CELSR1: variants seen among roughly 807,000 people sequenced by gnomAD.
CELSR1 encodes the protein adhesion G protein-coupled receptor C1.
In CELSR1, 110 loss-of-function variants were observed where a neutral mutation model predicts 249.1. The ratio of observed to expected loss-of-function variants is 0.44; its 90% CI spans 0.38 to 0.52. CELSR1 has a LOEUF of 0.52. CELSR1 is among the 20% of genes least tolerant of loss of function. The probability of loss-of-function intolerance (pLI) is 0.00; values close to 1 mark genes in which losing one functional copy is unlikely to be tolerated. For synonymous variants in CELSR1, 2,113 were observed against 1,900.0 expected (o/e 1.11, Z -2.92); for missense variants, 4,109 against 4,296.4 (o/e 0.96, Z 1.22).
chr22:46,536,072 C>T lies in CELSR1; in HGVS notation c.1099G>A (p.Glu367Lys), dbSNP rs1304855558. The change falls in exon 1 of 35, where the codon GAG becomes AAG. Residue 367 changes from glutamate to lysine, a missense_variant. Glu to Lys is a moderately conservative substitution (Grantham distance 56). Transcript: ENST00000674500. ...ATGGTCAGCACCTCGTAGCCCACCT[C>T]CAGGTTCTCCCGCACGCGCTCGCGG... ...EYRERVRENL[E>K]VGYEVLTIRA... is the part of the protein sequence containing the mutation. 1 of 1,611,488 alleles carries T rather than the reference C, an allele frequency of 6.2e-7. No individual in the cohort carries two copies. Among genetic ancestry groups the T allele is most frequent in the South Asian group, 1.1e-5 (1 of 91,076 alleles).
intron 1 of CELSR1, among the ~76,000 whole-genome samples, chr22:46,524,422 T>G (rs1455556135): frequency 6.6e-6 from 1 of 152,148 alleles, no homozygotes; most frequent in Non-Finnish European, 1.5e-5. Flanking sequence ...GGACACATCC[T>G]GTCCCCTGCA....
At chr22:46,455,349 T>C (rs13054402) in intron 2 of CELSR1, among the ~76,000 whole-genome samples, 32,970 of 152,082 alleles carry the variant, frequency 0.22, 4,121 homozygotes, top group Non-Finnish European at 0.27. Context: ...CCTGCCTCAG[T>C]CTCCCAAGTA....
At position 46,362,815 on chromosome 22, in the gene CELSR1, C is replaced by T. The variant is rs1003429388; in HGVS notation, c.*408G>A. 5 of 289,154 alleles carry T rather than the reference C, an allele frequency of 1.7e-5. No individual in the cohort carries two copies. Among genetic ancestry groups the T allele is most frequent in the Non-Finnish European group, 3.2e-5 (5 of 153,958 alleles). The allele number at this position is 289,154 out of a possible 1,614,324, so 17.9% of individuals were successfully genotyped here. On this transcript the variant is annotated 3_prime_UTR_variant, in exon 35 of 35. Coordinates refer to ENST00000674500, the MANE Select transcript of CELSR1 (RefSeq NM_001378328.1). Reference sequence around the variant, plus strand: ...CGGGTCCGCACTGCCATGAGATGCCCGCCTGGGCGGGGCTGGACCGCGGTC... The same window carrying T: ...CGGGTCCGCACTGCCATGAGATGCCTGCCTGGGCGGGGCTGGACCGCGGTC...
At position 46,380,914 on chromosome 22, in the gene CELSR1, G is replaced by T. The variant is rs755503725; in HGVS notation, c.7130C>A (p.Thr2377Lys). 1.2e-6 allele frequency: 2 copies of T among 1,613,714 alleles called. No individual in the cohort carries two copies. Among genetic ancestry groups the T allele is most frequent in the African/African-American group, 1.3e-5 (1 of 75,046 alleles). Reference sequence around the variant, plus strand: ...CGGAGCCCCCTCGCTGTACACCAGCGTGCTCACCATCGGGGTATTAATGAT... The same window carrying T: ...CGGAGCCCCCTCGCTGTACACCAGCTTGCTCACCATCGGGGTATTAATGAT... ...RPIINTPMVSTLVYSEGAPLP... is the reference protein window; with the variant it reads ...RPIINTPMVSKLVYSEGAPLP... Residue 2377 changes from threonine to lysine, a missense_variant, in exon 22 of 35, where the codon ACG becomes AAG. Around this residue, in one of 7 missense-constraint regions of CELSR1, gnomAD observed 1,805 missense variants for 1,831.6 expected, o/e 0.99. Transcript: ENST00000674500. This position sits in a 1 kb window ranked among gnomAD's most constrained non-coding sequence, Gnocchi z 5.1.
Position 46,520,245 on chromosome 22 carries a change from C to T in CELSR1, c.3544+13382G>A, listed in dbSNP as rs563175000. ...AAAGGCACAGAAGGAAGAAGAGCCCCGAGCTCAGAAGGAGGCCCTGGATGG... is the reference window on the plus strand; with the variant it reads ...AAAGGCACAGAAGGAAGAAGAGCCCTGAGCTCAGAAGGAGGCCCTGGATGG... On this transcript the variant is annotated intron_variant, in intron 1 of 34. Coordinates refer to ENST00000674500, the MANE Select transcript of CELSR1 (RefSeq NM_001378328.1). Among the ~76,000 whole-genome samples the T allele has an allele frequency of 6.2e-4, 95 of 152,174 alleles. 1 individual carries two copies. The highest frequency in any genetic ancestry group is 2.0e-3 in the African/African-American group (82 of 41,508).
At position 46,423,378 on chromosome 22, in the gene CELSR1, G is replaced by C. The variant is rs1411086424; in HGVS notation, c.4611+10015C>G. Reference sequence around the variant, plus strand: ...AATCCCAGCACTTTGGGAGGCCGAGGGGGGCAGATCACCTGAGGTCAGGAG... The same window carrying C: ...AATCCCAGCACTTTGGGAGGCCGAGCGGGGCAGATCACCTGAGGTCAGGAG... On this transcript the variant is annotated intron_variant, in intron 5 of 34. Coordinates refer to ENST00000674500, the MANE Select transcript of CELSR1 (RefSeq NM_001378328.1). This position sits in a 1 kb window ranked among gnomAD's most constrained non-coding sequence, Gnocchi z 5.6. 2.0e-5 allele frequency among the ~76,000 whole-genome samples: 3 copies of C among 151,538 alleles called. No homozygotes were observed. Among genetic ancestry groups the C allele is most frequent in the Admixed American group, 1.3e-4 (2 of 15,202 alleles).
intron 1 of CELSR1, among the ~76,000 whole-genome samples, chr22:46,501,711 C>CA (rs2080468240): frequency 6.6e-6 from 1 of 152,142 alleles, no homozygotes; most frequent in Non-Finnish European, 1.5e-5. Flanking sequence ...TTTTAAATGC[C>CA]AAACATCACT....
chr22:46,534,001 C>G lies in CELSR1; in HGVS notation c.3170G>C (p.Arg1057Pro). ...CTCAAAGTCCAGCTCCACCATGGCA[C>G]GCAGGTCCCCGTTGAGCAGGTCCAG... The part of the protein sequence containing the change: ...FQLDLLNGDL[R>P]AMVELDFEVR... The change falls in exon 1 of 35, where the codon CGT becomes CCT. Residue 1057 changes from arginine (R) to proline (P), a missense_variant. Arg to Pro is a moderately radical substitution (Grantham distance 103, BLOSUM62 -2). This residue lies in a region of CELSR1 where 886 missense variants were observed against 896.5 expected (regional missense o/e 0.99). Transcript: ENST00000674500. The surrounding 1 kb of genome is among the most constrained non-coding windows in gnomAD (Gnocchi z 9.7). 1 of 1,613,642 alleles carries G rather than the reference C, an allele frequency of 6.2e-7. No individual in the cohort carries two copies. The highest frequency in any genetic ancestry group is 8.5e-7 in the Non-Finnish European group (1 of 1,180,014).
Position 46,536,908 on chromosome 22 carries a change from A to G in CELSR1, c.263T>C (p.Leu88Pro), listed in dbSNP as rs1276336325. Residue 88 changes from leucine to proline, a missense_variant, in exon 1 of 35, where the codon CTG (leucine) becomes CCG (proline). Coordinates refer to ENST00000674500, the MANE Select transcript of CELSR1 (RefSeq NM_001378328.1). ...RVSGAGRPLP[L>P]QVRLVARSAP... ...ACTGCGGGCCACCAAGCGGACTTGC[A>G]GCGGCAGCGGGCGCCCCGCGCCCGA... 8.4e-7 allele frequency: 1 copy of G among 1,193,598 alleles called. No homozygotes were observed. The highest frequency in any genetic ancestry group is 1.0e-6 in the Non-Finnish European group (1 of 962,110). The allele number at this position is 1,193,598 out of a possible 1,614,324, so 73.9% of individuals were successfully genotyped here.
Position 46,394,131 on chromosome 22 carries a change from C to T in CELSR1, c.5964+11G>A, listed in dbSNP as rs773129328. The T allele has an allele frequency of 3.0e-5, 48 of 1,611,904 alleles. No homozygotes were observed. The highest frequency in any genetic ancestry group is 1.6e-4 in the Middle Eastern group (1 of 6,062). Reference sequence around the variant, plus strand: ...ACACAGCATGCAGGGATCATGGGGGCGGGGCCTCACCTTGCATTGGCACTG... The same window carrying T: ...ACACAGCATGCAGGGATCATGGGGGTGGGGCCTCACCTTGCATTGGCACTG... On this transcript the variant is annotated intron_variant, in intron 14 of 34. Coordinates refer to ENST00000674500, the MANE Select transcript of CELSR1 (RefSeq NM_001378328.1).
intron 2 of CELSR1, among the ~76,000 whole-genome samples, chr22:46,439,750 T>C (rs2079719920): frequency 1.3e-5 from 2 of 152,060 alleles, no homozygotes; most frequent in South Asian, 2.1e-4. Flanking sequence ...CAGGCTGAGC[T>C]GGACTCTTCT....
rs769084474 is a variant in CELSR1, at chr22:46,409,918, G to A, written c.4934-38C>T. The A allele has an allele frequency of 3.7e-6, 6 of 1,605,072 alleles. No individual in the cohort carries two copies. Among genetic ancestry groups the A allele is most frequent in the Non-Finnish European group, 4.2e-6 (5 of 1,178,736 alleles). ...AGCGTGCGGCAGAGCCTGACTCGGA[G>A]GAACCGCCCGGGGTCCCCGGCGCCA... On this transcript the variant is annotated intron_variant, in intron 7 of 34. Transcript: ENST00000674500. This position sits in a 1 kb window ranked among gnomAD's most constrained non-coding sequence, Gnocchi z 9.8.
In CELSR1 at chr22:46,434,061, G is replaced by A. The variant is rs909052812; in HGVS notation, c.4523-580C>T. ...TACCAGCAGCAGTCACACCTACACC[G>A]CACCAGAGGTCGAACCCTTTTTCCT... On this transcript the variant is annotated intron_variant, in intron 4 of 34. Coordinates refer to ENST00000674500, the MANE Select transcript of CELSR1 (RefSeq NM_001378328.1). The surrounding 1 kb of genome is among the most constrained non-coding windows in gnomAD (Gnocchi z 4.9). Among the ~76,000 whole-genome samples the A allele has an allele frequency of 2.0e-5, 3 of 152,208 alleles. No individual in the cohort carries two copies. The highest frequency in any genetic ancestry group is 4.4e-5 in the Non-Finnish European group (3 of 68,032).
At chr22:46,460,099 C>T (rs145168163) in intron 2 of CELSR1, among the ~76,000 whole-genome samples, 1,567 of 151,932 alleles carry the variant, frequency 0.01, 23 homozygotes, top group African/African-American at 0.036. Flanking sequence ...TCCCAGCTAC[C>T]CAGGAGGCAG....
intron 9 of CELSR1, among the ~76,000 whole-genome samples, chr22:46,403,145 T>C (rs187117205): frequency 4.5e-4 from 69 of 152,228 alleles, no homozygotes; most frequent in African/African-American, 1.6e-3. Flanking sequence ...TCAAAATCTA[T>C]ATAGCAAAAA....
At chr22:46,431,693 G>A (rs550879770) in intron 5 of CELSR1, among the ~76,000 whole-genome samples, 19 of 152,340 alleles carry the variant, frequency 1.2e-4, no homozygotes, top group African/African-American at 4.1e-4. Flanking sequence ...GGCCACCCGT[G>A]CAGCTCACCC....
chr22:46,494,986 A>G (rs1433275709), intron 1 of CELSR1, among the ~76,000 whole-genome samples: 1 of 152,242 alleles, frequency 6.6e-6, no homozygotes, highest in Non-Finnish European at 1.5e-5. Context: ...ACTGGGGAAA[A>G]CATTCTGAGA....
At chr22:46,377,401 G>A in intron 23 of CELSR1, 140 bp from the exon 24 acceptor site, 2 of 921,052 alleles carry the variant, frequency 2.2e-6, no homozygotes, top group East Asian at 2.6e-5. Flanking sequence ...GGGAGGCCGA[G>A]TGCTCATGGC....
Position 46,402,130 on chromosome 22 carries a change from T to A in CELSR1, c.5227-2228A>T, listed in dbSNP as rs1422219523. Among the ~76,000 whole-genome samples, 2 of 152,052 alleles carry A rather than the reference T, an allele frequency of 1.3e-5. No homozygotes were observed. Among genetic ancestry groups the A allele is most frequent in the Non-Finnish European group, 2.9e-5 (2 of 68,030 alleles). Reference sequence around the variant, plus strand: ...AAAGTCTGTGACTGCATTCAAGTGCTCTGGGAGGGAAAGTGCTCCTAGTGG... The same window carrying A: ...AAAGTCTGTGACTGCATTCAAGTGCACTGGGAGGGAAAGTGCTCCTAGTGG... On this transcript the variant is annotated intron_variant, in intron 9 of 34. Transcript: ENST00000674500. This position sits in a 1 kb window ranked among gnomAD's most constrained non-coding sequence, Gnocchi z 5.0.
Sources: gnomAD v4.1 joint callset for allele counts (sites outside exome capture counted in the v4.1 genomes callset) on GRCh38, gnomAD v4.1.1 for gene constraint, gnomAD v4.1.1 regional missense constraint, Gnocchi (gnomAD v3.1) non-coding constraint, MANE v1.5 for transcripts, NCBI Gene and HGNC (gene_info 2026-07-23, HGNC 2026-07-21) for gene names.